The following FAM13C variants were observed in gnomAD, a reference collection of about 807,000 sequenced individuals.
The protein encoded by FAM13C is family with sequence similarity 13 member C.
Under a neutral mutation model 73.2 loss-of-function variants are expected in FAM13C, and 37 were observed. The observed-to-expected ratio is 0.51, with a 90% CI of 0.39 to 0.67. FAM13C has a LOEUF of 0.67. FAM13C is among the 30% of genes least tolerant of loss of function. The pLI is 0.00. For missense variants in FAM13C, 589 were observed against 715.6 expected, an observed-to-expected ratio of 0.82 and a Z score of 2.02; for synonymous variants, 246 against 260.9, an observed-to-expected ratio of 0.94 and a Z score of 0.55.
chr10:59,314,575 T>C (rs958930301), intron 4 of FAM13C, among the ~76,000 whole-genome samples: 4 of 152,214 alleles, frequency 2.6e-5, no homozygotes, highest in Non-Finnish European at 5.9e-5. Context: ...TTCAATAGGC[T>C]GGGTTTGGCC....
chr10:59,281,003 G>C (rs186387489), intron 6 of FAM13C, among the ~76,000 whole-genome samples: 53 of 152,232 alleles, frequency 3.5e-4, no homozygotes, highest in African/African-American at 1.2e-3. Context: ...CACGGATTTT[G>C]TCCATGTTAT....
At chr10:59,254,114 C>T in intron 11 of FAM13C, 1 of 392,862 alleles carries the variant, frequency 2.5e-6, no homozygotes, top group Non-Finnish European at 4.5e-6. Context: ...TTAAAATTGG[C>T]TCTAGACATA....
intron 4 of FAM13C, among the ~76,000 whole-genome samples, chr10:59,318,216 G>A (rs539759184): frequency 1.3e-5 from 2 of 150,322 alleles, no homozygotes; most frequent in South Asian, 4.2e-4. Context: ...TTATCCTTAT[G>A]CCAAATTATC....
intron 5 of FAM13C, chr10:59,296,992 A>T (rs922966207): frequency 2.0e-5 from 3 of 152,252 alleles, no homozygotes; most frequent in African/African-American, 7.2e-5. Flanking sequence ...AGTCTTCAGA[A>T]TAGAGTTACA....
At chr10:59,300,272 T>G (rs1195630475) in intron 5 of FAM13C, among the ~76,000 whole-genome samples, 1 of 152,236 alleles carries the variant, frequency 6.6e-6, no homozygotes, top group African/African-American at 2.4e-5. Context: ...GGTACGTAGG[T>G]AGCATCTTGT....
intron 5 of FAM13C, chr10:59,301,219 A>T (rs1306882433): frequency 6.6e-6 from 1 of 152,232 alleles, no homozygotes; most frequent in African/African-American, 2.4e-5. Flanking sequence ...TGTGTGAAAG[A>T]ATGTGGGTCA....
In FAM13C at chr10:59,252,836, G is replaced by A. The variant is rs147212027; in HGVS notation, c.1495C>T (p.Pro499Ser). The A allele has an allele frequency of 1.3e-4, 214 of 1,614,030 alleles. No homozygotes were observed. The African/African-American group carries it at 2.4e-3, about 18-fold the overall frequency. The change falls in exon 12 of 14, where the codon CCA becomes TCA. Residue 499 changes from proline to serine, a missense_variant. By Grantham distance (74) the Pro-to-Ser change is moderately conservative. Transcript: ENST00000618804. ...TGTAAATTAGACATGGAGAGAGCTG[G>A]TGGTTTTACTTCTTTCTTTTCATCT... ...LPDEKKEVKP[P>S]ALSMSNLHEA...
intron 3 of FAM13C, among the ~76,000 whole-genome samples, chr10:59,333,691 T>C (rs1852321082): frequency 6.6e-6 from 1 of 151,798 alleles, no homozygotes; most frequent in South Asian, 2.1e-4. Flanking sequence ...CCCTCAGTGT[T>C]TCATTTCTCA....
At chr10:59,256,192 A>G (rs1360490724) in intron 10 of FAM13C, among the ~76,000 whole-genome samples, 4 of 152,334 alleles carry the variant, frequency 2.6e-5, no homozygotes, top group Non-Finnish European at 5.9e-5. Context: ...ATTTTAATAG[A>G]TGACAGCAGA....
intron 4 of FAM13C, among the ~76,000 whole-genome samples, chr10:59,309,912 T>G (rs1467389251): frequency 6.6e-6 from 1 of 151,978 alleles, no homozygotes; most frequent in Admixed American, 6.6e-5. Context: ...TATTTCTGAG[T>G]GTGTAAAGTA....
At chr10:59,306,258 T>A (rs991265396) in intron 4 of FAM13C, among the ~76,000 whole-genome samples, 1 of 152,156 alleles carries the variant, frequency 6.6e-6, no homozygotes, top group Non-Finnish European at 1.5e-5. Flanking sequence ...ATATATGGTA[T>A]ATATTAGTGA....
At chr10:59,352,240 G>C (rs1855145102) in intron 3 of FAM13C, 30 bp downstream of exon 3, 1 of 1,611,352 alleles carries the variant, frequency 6.2e-7, no homozygotes, top group Non-Finnish European at 8.5e-7. Context: ...CACCCGTCTT[G>C]GCAAAAGCCT....
At chr10:59,273,951 T>C (rs1465676356) in intron 6 of FAM13C, among the ~76,000 whole-genome samples, 3 of 152,176 alleles carry the variant, frequency 2.0e-5, no homozygotes, top group African/African-American at 7.2e-5. Context: ...GATGGGGTGC[T>C]GAGATGTGTA....
chr10:59,358,291 C>T (rs11006448), intron 1 of FAM13C, among the ~76,000 whole-genome samples: 15,558 of 152,116 alleles, frequency 0.1, 1,212 homozygotes, highest in African/African-American at 0.22. Context: ...GGCACGAGAA[C>T]CACTTGAACT....
intron 3 of FAM13C, among the ~76,000 whole-genome samples, chr10:59,338,395 C>T (rs763548726): frequency 1.6e-4 from 25 of 152,124 alleles, no homozygotes; most frequent in East Asian, 3.9e-4. Flanking sequence ...CCTCCAATGT[C>T]GGTTGTTAAA....
intron 13 of FAM13C, among the ~76,000 whole-genome samples, chr10:59,250,723 GT>G (rs200919275): frequency 0.011 from 1,618 of 152,286 alleles, 13 homozygotes; most frequent in Non-Finnish European, 0.017. Context: ...TTAATGATGA[GT>G]TTATGAGTTG....
chr10:59,260,996 T>C (rs1387848924), intron 10 of FAM13C, among the ~76,000 whole-genome samples: 3 of 152,150 alleles, frequency 2.0e-5, no homozygotes, highest in Non-Finnish European at 4.4e-5. Context: ...ACTATATCAA[T>C]CCCAGCTCTT....
At position 59,303,515 on chromosome 10, in the gene FAM13C, A is replaced by C. The variant is rs371495740; in HGVS notation, c.444-651T>G. Among the ~76,000 whole-genome samples, 11 of 152,298 alleles carry C rather than the reference A, an allele frequency of 7.2e-5. 1 individual carries two copies. The East Asian group carries it at 1.2e-3, about 16-fold the overall frequency. On this transcript the variant is annotated intron_variant, in intron 4 of 13. Transcript: ENST00000618804. ...TCTGATACAGTTGCAGAAAGATACC[A>C]TTTGTCTGCTGAAGACAGCTTATGG... is the stretch of plus-strand genomic sequence containing the variant.
intron 13 of FAM13C, 199 bp downstream of exon 13, chr10:59,251,376 G>A: frequency 1.8e-6 from 1 of 548,176 alleles, no homozygotes; most frequent in South Asian, 2.8e-5. Context: ...TGTCATACCT[G>A]ACAGCTACCA....
Sources: gnomAD v4.1 joint callset for allele counts (sites outside exome capture counted in the v4.1 genomes callset) on GRCh38, gnomAD v4.1.1 for gene constraint, MANE v1.5 for transcripts, NCBI Gene and HGNC (gene_info 2026-07-23, HGNC 2026-07-21) for gene names.